Variants in DSG1 observed in about 807,000 individuals in gnomAD.
DSG1 encodes desmoglein 1.
Under a neutral mutation model 97.5 loss-of-function variants are expected in DSG1, and 39 were observed. The observed-to-expected ratio is 0.40, with a 90% CI of 0.31 to 0.52. The LOEUF (loss-of-function observed/expected upper bound fraction) is 0.52, where lower values mean the gene tolerates loss of function less well. Ranked by LOEUF, DSG1 falls within the 20% of genes least tolerant of loss-of-function variation. The probability of loss-of-function intolerance (pLI) is 0.53; values close to 1 mark genes in which losing one functional copy is unlikely to be tolerated. For missense variants in DSG1, 1,311 were observed against 1,295.4 expected (o/e 1.01, Z -0.18); for synonymous variants, 475 against 443.4 (o/e 1.07, Z -0.90).
chr18:31,346,674 T>C (rs1208020020), intron 14 of DSG1, among the ~76,000 whole-genome samples: 2 of 152,270 alleles, frequency 1.3e-5, no homozygotes, highest in East Asian at 3.9e-4. Flanking sequence ...CCCTCCGAAG[T>C]TTTTACAGTT....
intron 6 of DSG1, among the ~76,000 whole-genome samples, chr18:31,332,138 A>G (rs1200936718): frequency 6.6e-6 from 1 of 152,130 alleles, no homozygotes; most frequent in Non-Finnish European, 1.5e-5. Context: ...AAATATGCCT[A>G]AGGTAGAATC....
At chr18:31,333,808 G>GT (rs1413841471) in intron 7 of DSG1, 85 bp downstream of exon 7, 23 of 1,523,054 alleles carry the variant, frequency 1.5e-5, no homozygotes, top group Non-Finnish European at 2.1e-5. Flanking sequence ...AGAGGCACAT[G>GT]TTATGTTTAT....
intron 9 of DSG1, 26 bp from the exon 10 acceptor site, chr18:31,338,288 AT>A (rs1438507012): frequency 6.2e-7 from 1 of 1,610,848 alleles, no homozygotes; most frequent in Non-Finnish European, 8.5e-7. Flanking sequence ...GCTGACATTA[AT>A]TTGTATCATT....
At chr18:31,324,500 T>C (rs959576357) in intron 1 of DSG1, among the ~76,000 whole-genome samples, 2 of 152,208 alleles carry the variant, frequency 1.3e-5, no homozygotes. Context: ...TTTTGATCCA[T>C]GTTTCCAATT....
In DSG1 at chr18:31,338,409, A is replaced by C; in HGVS notation, c.1360A>C (p.Asn454His). The C allele has an allele frequency of 6.2e-7, 1 of 1,613,748 alleles. No individual in the cohort carries two copies. The highest frequency in any genetic ancestry group is 8.5e-7 in the Non-Finnish European group (1 of 1,179,716). Reference protein sequence around the residue: ...LKNKVTKEQYNMLGGKYQGTI... With the variant: ...LKNKVTKEQYHMLGGKYQGTI... ...AAATAAAGTTACCAAGGAACAGTAC[A>C]ATATGCTCGGAGGAAAATACCAAGG... Residue 454 changes from asparagine to histidine, a missense_variant, in exon 10 of 15, where the codon AAT (asparagine) becomes CAT (histidine). Transcript: ENST00000257192.
chr18:31,344,055 C>A, intron 13 of DSG1, 60 bp downstream of exon 13: 1 of 1,217,976 alleles, frequency 8.2e-7, no homozygotes, highest in Non-Finnish European at 1.2e-6. Flanking sequence ...TATTTTCTCT[C>A]TTTGATTATT....
At chr18:31,333,838 A>T in intron 7 of DSG1, 115 bp downstream of exon 7, 1 of 1,328,300 alleles carries the variant, frequency 7.5e-7, no homozygotes, top group Non-Finnish European at 1.1e-6. Context: ...ACCCAAATGT[A>T]GACACATACT....
intron 4 of DSG1, among the ~76,000 whole-genome samples, chr18:31,328,981 G>A (rs2071703824): frequency 6.6e-6 from 1 of 152,086 alleles, no homozygotes; most frequent in Non-Finnish European, 1.5e-5. Flanking sequence ...TCCACTTTAA[G>A]CAGTTGACCT....
At chr18:31,348,140 C>T (rs1352211068) in intron 14 of DSG1, among the ~76,000 whole-genome samples, 1 of 132,290 alleles carries the variant, frequency 7.6e-6, no homozygotes, top group Non-Finnish European at 1.6e-5. Context: ...CACAACAGTC[C>T]CCAGAGTGTG....
rs1193529369 is a variant in DSG1 at position 31,357,331 on chromosome 18, G to A, written c.*1985G>A. ...CTTTTCTTTTTCTGACACTTAGGGG[G>A]CCACATTAAGGATGGGTAATCTTTC... On this transcript the variant is annotated 3_prime_UTR_variant, in exon 15 of 15. Coordinates refer to ENST00000257192, the MANE Select transcript of DSG1 (RefSeq NM_001942.4). Among the ~76,000 whole-genome samples, 1 of 152,006 alleles carries A rather than the reference G, an allele frequency of 6.6e-6. No individual in the cohort carries two copies. Among genetic ancestry groups the A allele is most frequent in the Non-Finnish European group, 1.5e-5 (1 of 67,926 alleles).
Position 31,318,316 on chromosome 18 carries a change from T to C in DSG1, c.16T>C (p.Phe6Leu). The change falls in exon 1 of 15, where the codon TTC becomes CTC. Residue 6 changes from phenylalanine to leucine, a missense_variant. Phe to Leu is a conservative substitution (Grantham distance 22). Transcript: ENST00000257192. Reference sequence around the variant, plus strand: ...TCCAGCAGAGATGGACTGGAGTTTCTTCAGAGTAGTTGCAATGCTGTTCAT... The same window carrying C: ...TCCAGCAGAGATGGACTGGAGTTTCCTCAGAGTAGTTGCAATGCTGTTCAT... MDWSF[F>L]RVVAMLFIFL... is the part of the protein sequence containing the mutation. 1 of 1,613,624 alleles carries C rather than the reference T, an allele frequency of 6.2e-7. No individual in the cohort carries two copies. Among genetic ancestry groups the C allele is most frequent in the Non-Finnish European group, 8.5e-7 (1 of 1,179,526 alleles).
rs181411154 is a variant in DSG1, at chr18:31,354,711, G to A, written c.2515G>A (p.Glu839Lys). 362 of 1,614,064 alleles carry A rather than the reference G, an allele frequency of 2.2e-4. 2 individuals are homozygous for A. In the South Asian group the frequency reaches 2.4e-3, roughly 11 times the overall value. The change falls in exon 15 of 15, where the codon GAG (glutamate) becomes AAG (lysine). Residue 839 changes from glutamate (E) to lysine (K), a missense_variant. This residue lies in a region of DSG1 where 1,038 missense variants were observed against 964.6 expected (regional missense o/e 1.08). Coordinates refer to ENST00000257192, the MANE Select transcript of DSG1 (RefSeq NM_001942.4). ...PLGYGNVTVT[E>K]SYTTSDTLKP... ...GGGCTATGGTAATGTCACTGTGACC[G>A]AGTCTTACACCACCTCTGACACTCT...
At chr18:31,336,647 A>T (rs761293152) in intron 9 of DSG1, 34 bp downstream of exon 9, 1 of 1,609,980 alleles carries the variant, frequency 6.2e-7, no homozygotes, top group South Asian at 1.1e-5. Context: ...TTTTCCTTAC[A>T]TATTGAACTT....
intron 11 of DSG1, 51 bp downstream of exon 11, chr18:31,340,076 G>A (rs1405628616): frequency 1.3e-6 from 2 of 1,562,964 alleles, no homozygotes; most frequent in South Asian, 2.3e-5. Context: ...AAATGCTGGG[G>A]GAGGAGTTAA....
In DSG1 at chr18:31,355,046, T is replaced by C. The variant is rs2071942796; in HGVS notation, c.2850T>C (p.Ile950=). The change falls in exon 15 of 15, where the codon ATT becomes ATC. Residue 950 remains isoleucine, a synonymous_variant. Transcript: ENST00000257192. ...AGTTAGCCAATGCCCACAATGTCAT[T>C]GTGACAGAGAGGGTTGTTTCTGGTG... The part of the protein sequence containing the change: ...HPELANAHNV[I]VTERVVSGAG... 5.0e-6 allele frequency: 8 copies of C among 1,614,048 alleles called. No individual in the cohort carries two copies. Among genetic ancestry groups the C allele is most frequent in the Admixed American group, 3.3e-5 (2 of 59,994 alleles).
intron 6 of DSG1, 23 bp downstream of exon 6, chr18:31,331,890 G>T (rs769415296): frequency 4.4e-6 from 7 of 1,607,192 alleles, no homozygotes; most frequent in African/African-American, 2.7e-5. Context: ...CTTTAAGTGG[G>T]TTTTTGGTCT....
intron 14 of DSG1, among the ~76,000 whole-genome samples, chr18:31,348,922 TC>T (rs1337711552): frequency 8.4e-4 from 84 of 99,758 alleles, no homozygotes; most frequent in Non-Finnish European, 1.4e-3. Flanking sequence ...GGTTGCCTGT[TC>T]ACTCTGATGG....
chr18:31,339,419 A>G (rs193148602), intron 10 of DSG1, among the ~76,000 whole-genome samples: 33 of 152,212 alleles, frequency 2.2e-4, no homozygotes, highest in Middle Eastern at 3.4e-3. Flanking sequence ...TGCTGCTACC[A>G]TGAATTTGGT....
intron 13 of DSG1, 114 bp from the exon 14 acceptor site, chr18:31,345,876 C>A (rs2071829035): frequency 6.7e-6 from 5 of 751,358 alleles, no homozygotes; most frequent in Non-Finnish European, 1.1e-5. Flanking sequence ...CTTTTTATTT[C>A]TTTGTTCACA....
Sources: allele counts gnomAD v4.1 joint callset (sites outside exome capture counted in the v4.1 genomes callset), GRCh38; gene constraint gnomAD v4.1.1; regional missense constraint gnomAD v4.1.1; transcripts MANE v1.5; gene names NCBI Gene and HGNC (gene_info 2026-07-23, HGNC 2026-07-21).